Variants in TEX9 observed in about 807,000 individuals in gnomAD.
TEX9 encodes the protein testis-expressed protein 9.
In TEX9, 74 loss-of-function variants were observed where a neutral mutation model predicts 59.6. The observed-to-expected ratio is 1.24, with a 90% CI of 1.03 to 1.51. The LOEUF is 1.51. Ranked by LOEUF, TEX9 falls within the 40% of genes most tolerant of loss-of-function variation. The pLI is 0.00. For missense variants in TEX9, 522 were observed against 447.8 expected (o/e 1.17, Z -1.49); for synonymous variants, 186 against 152.2 (o/e 1.22, Z -1.64).
chr15:56,427,016 A>AAAT (rs1220650762), intron 10 of TEX9, among the ~76,000 whole-genome samples: 6 of 152,022 alleles, frequency 3.9e-5, no homozygotes, highest in Admixed American at 3.3e-4. Flanking sequence ...CATTTGAGGG[A>AAAT]AATACGTATG....
intron 7 of TEX9, 84 bp downstream of exon 7, chr15:56,391,502 TA>T (rs2048209111): frequency 6.3e-6 from 6 of 956,130 alleles, no homozygotes; most frequent in Admixed American, 3.1e-5. Flanking sequence ...TTCTTCCATT[TA>T]AAAAAATGTA....
At position 56,401,308 on chromosome 15, in the gene TEX9, C is replaced by CAAA. The variant is rs1207055803; in HGVS notation, c.828+6496_828+6498dup. 7.1e-3 allele frequency among the ~76,000 whole-genome samples: 331 copies of CAAA among 46,790 alleles called. 19 individuals are homozygous for CAAA. The highest frequency in any genetic ancestry group is 0.022 in the African/African-American group (218 of 10,030). The allele number at this position is 46,790 out of a possible 152,430, so 30.7% of individuals were successfully genotyped here. ...GAAGACCTACCAAGCAAATTGAAAGCAAAAAAAAAAAAAAAAAAAAAAAAC... is the reference window on the plus strand; with the variant it reads ...GAAGACCTACCAAGCAAATTGAAAGCAAAAAAAAAAAAAAAAAAAAAAAAAAAC... On this transcript the variant is annotated intron_variant, in intron 9 of 12. Coordinates refer to ENST00000352903, the Ensembl canonical transcript of TEX9.
chr15:56,284,719 A>G (rs565676950), intron 1 of TEX9, among the ~76,000 whole-genome samples: 1 of 151,906 alleles, frequency 6.6e-6, no homozygotes, highest in East Asian at 1.9e-4. Context: ...TGCTGTAGCT[A>G]TTTCACTTTC....
intron 1 of TEX9, among the ~76,000 whole-genome samples, chr15:56,306,277 A>AAAAG (rs1223140073): frequency 6.6e-6 from 1 of 151,276 alleles, no homozygotes; most frequent in African/African-American, 2.4e-5. Context: ...AAAAAAAAAA[A>AAAAG]AGGAAATCAG....
chr15:56,289,860 G>A, intron 1 of TEX9, among the ~76,000 whole-genome samples: 1 of 152,206 alleles, frequency 6.6e-6, no homozygotes, highest in East Asian at 1.9e-4. Flanking sequence ...AGAATGTGAG[G>A]CACAGATGCT....
chr15:56,396,147 T>C (rs1402553863), intron 9 of TEX9: 2 of 152,202 alleles, frequency 1.3e-5, no homozygotes, highest in Admixed American at 6.5e-5. Flanking sequence ...AATTATGTAA[T>C]ATAGCATATC....
At chr15:56,427,816 G>A in intron 11 of TEX9, 77 bp downstream of exon 11, 1 of 1,203,686 alleles carries the variant, frequency 8.3e-7, no homozygotes, top group Non-Finnish European at 1.1e-6. Context: ...TTTCACTTTA[G>A]GTATGTTTTT....
At chr15:56,349,609 C>T (rs528491010) in intron 1 of TEX9, among the ~76,000 whole-genome samples, 1 of 152,250 alleles carries the variant, frequency 6.6e-6, no homozygotes, top group South Asian at 2.1e-4. Flanking sequence ...ATTCCCTTCA[C>T]CCAAGTATCG....
chr15:56,447,232 TATC>T (rs1320105737), downstream of TEX9: 1 of 203,982 alleles, frequency 4.9e-6, no homozygotes, highest in Admixed American at 5.4e-5. Flanking sequence ...TACGTCTACA[TATC>T]ATGGATAAGT....
downstream of TEX9, among the ~76,000 whole-genome samples, chr15:56,446,444 T>C (rs573039400): frequency 3.3e-5 from 5 of 152,150 alleles, no homozygotes; most frequent in East Asian, 9.7e-4. Context: ...ATGGCTTTTA[T>C]AAAACTGGAA....
At chr15:56,365,774 C>G in intron 2 of TEX9, 104 bp downstream of exon 2, 1 of 1,520,338 alleles carries the variant, frequency 6.6e-7, no homozygotes, top group Non-Finnish European at 8.8e-7. Context: ...GGACCACTCA[C>G]TCTGCAGCAT....
chr15:56,284,199 G>A (rs1224060920), intron 1 of TEX9, among the ~76,000 whole-genome samples: 1 of 151,852 alleles, frequency 6.6e-6, no homozygotes, highest in Non-Finnish European at 1.5e-5. Context: ...GTCTTGCTAT[G>A]TGGCCTGGCT....
intron 10 of TEX9, among the ~76,000 whole-genome samples, chr15:56,413,639 T>C (rs564157548): frequency 4.0e-5 from 6 of 151,882 alleles, no homozygotes; most frequent in Non-Finnish European, 8.8e-5. Context: ...GTCAGTAGAA[T>C]TATACCATAT....
chr15:56,443,920 G>T, intron 12 of TEX9: 1 of 1,217,644 alleles, frequency 8.2e-7, no homozygotes, highest in Admixed American at 2.8e-5. Flanking sequence ...ATTTCATTTT[G>T]TTCATAATAA....
intron 1 of TEX9, among the ~76,000 whole-genome samples, chr15:56,263,321 C>A (rs1430562426): frequency 2.0e-5 from 3 of 152,142 alleles, no homozygotes; most frequent in Admixed American, 6.5e-5. Flanking sequence ...CCGTGCCTGG[C>A]CACGGGTTGT....
At chr15:56,313,599 T>C (rs2141642395) in intron 1 of TEX9, among the ~76,000 whole-genome samples, 1 of 133,872 alleles carries the variant, frequency 7.5e-6, no homozygotes, top group East Asian at 2.2e-4. Context: ...AGGATATTGG[T>C]CTAAAATTCT....
At chr15:56,340,203 A>G (rs2046345421) in intron 1 of TEX9, among the ~76,000 whole-genome samples, 1 of 152,208 alleles carries the variant, frequency 6.6e-6, no homozygotes, top group Non-Finnish European at 1.5e-5. Context: ...TTCACAGTTC[A>G]AGAAACAAAT....
At chr15:56,431,922 A>T (rs1294855692) in intron 12 of TEX9, among the ~76,000 whole-genome samples, 3 of 152,052 alleles carry the variant, frequency 2.0e-5, no homozygotes, top group African/African-American at 7.2e-5. Context: ...TATAAAGATG[A>T]TATGAAGCAT....
chr15:56,260,430 A>G (rs1211027214), intron 1 of TEX9, among the ~76,000 whole-genome samples: 2 of 152,132 alleles, frequency 1.3e-5, no homozygotes, highest in South Asian at 2.1e-4. Context: ...AAGTTTTATT[A>G]TGAACTAGTG....
Sources: allele counts gnomAD v4.1 joint callset (sites outside exome capture counted in the v4.1 genomes callset), GRCh38; gene constraint gnomAD v4.1.1; transcripts MANE v1.5; gene names NCBI Gene and HGNC (gene_info 2026-07-23, HGNC 2026-07-21).